ZIM2: variants seen among roughly 807,000 people sequenced by gnomAD.
The protein encoded by ZIM2 is zinc finger protein 656.
ZIM2 carries 14 observed loss-of-function variants against 38.6 expected under a neutral mutation model. That is an observed-to-expected ratio of 0.36 (90% confidence interval 0.24 to 0.57). The LOEUF is 0.57. Among genes scored for constraint, ZIM2 ranks in the 20% least tolerant of loss-of-function variants. The pLI is 0.81. For synonymous variants in ZIM2, 247 were observed against 245.8 expected (o/e 1.00, Z -0.04); for missense variants, 680 against 695.1 (o/e 0.98, Z 0.24).
chr19:56,829,247 G>A lies in ZIM2; in HGVS notation c.-226-2784C>T, dbSNP rs2061352126. 2.0e-5 allele frequency among the ~76,000 whole-genome samples: 3 copies of A among 151,704 alleles called. 1 individual carries two copies. Among genetic ancestry groups the A allele is most frequent in the Admixed American group, 6.6e-5 (1 of 15,230 alleles). ...TAATCCCAGCTACTCAGGAGGCTGAGGCAGGAGAATCACTTGGACCCAGGA... is the reference window on the plus strand; with the variant it reads ...TAATCCCAGCTACTCAGGAGGCTGAAGCAGGAGAATCACTTGGACCCAGGA... On this transcript the variant is annotated intron_variant, in intron 2 of 12. Coordinates refer to ENST00000629319, the MANE Select transcript of ZIM2 (RefSeq NM_001387356.1).
intron 9 of ZIM2, chr19:56,816,564 C>A (rs1307774217): frequency 3.7e-6 from 6 of 1,614,060 alleles, no homozygotes; most frequent in Non-Finnish European, 5.1e-6. Context: ...TACATTCGTA[C>A]ATTTTCTCTT....
At chr19:56,799,214 A>T (rs1568583863) in intron 9 of ZIM2, 1 of 152,200 alleles carries the variant, frequency 6.6e-6, no homozygotes, top group East Asian at 1.9e-4. Context: ...CTCATCAATG[A>T]CAGACTTGAT....
chr19:56,812,113 CTTTT>C (rs752513979), intron 9 of ZIM2: 16 of 969,000 alleles, frequency 1.7e-5, no homozygotes, highest in Non-Finnish European at 2.0e-5. Context: ...TTTTGCAAAT[CTTTT>C]TTTTTAAATT....
intron 9 of ZIM2, chr19:56,810,613 A>C: frequency 6.5e-6 from 6 of 928,354 alleles, no homozygotes; most frequent in Non-Finnish European, 7.7e-6. Context: ...TTTATTACCA[A>C]AACACCAAAG....
At chr19:56,821,952 G>A (rs1470636550) in intron 6 of ZIM2, among the ~76,000 whole-genome samples, 198 bp from the exon 7 acceptor site, 1 of 151,870 alleles carries the variant, frequency 6.6e-6, no homozygotes, top group East Asian at 1.9e-4. Context: ...CCAGGGCAGG[G>A]CCAGGGGCCC....
intron 12 of ZIM2, among the ~76,000 whole-genome samples, 170 bp downstream of exon 12, chr19:56,779,207 G>A (rs1056020779): frequency 1.3e-5 from 2 of 152,096 alleles, no homozygotes; most frequent in Non-Finnish European, 2.9e-5. Flanking sequence ...AGCAGGAGAG[G>A]AGCTCATGCT....
chr19:56,840,043 G>A (rs2062809726), intron 1 of ZIM2, among the ~76,000 whole-genome samples: 1 of 152,242 alleles, frequency 6.6e-6, no homozygotes, highest in Non-Finnish European at 1.5e-5. Context: ...GCCCCCAGAG[G>A]GTAGCCGGGC....
At chr19:56,811,612 T>C (rs1221650472) in intron 9 of ZIM2, 9 of 985,256 alleles carry the variant, frequency 9.1e-6, no homozygotes, top group Non-Finnish European at 9.6e-6. Flanking sequence ...CTGCCAACAA[T>C]GTTAACACCA....
chr19:56,787,442 A>G (rs1414181340), intron 10 of ZIM2, among the ~76,000 whole-genome samples: 1 of 151,824 alleles, frequency 6.6e-6, no homozygotes, highest in Non-Finnish European at 1.5e-5. Context: ...CGCCCAGCTA[A>G]TTTTTGTATT....
rs35355795 is a variant in ZIM2 at position 56,823,595 on chromosome 19, A to G, written c.101T>C (p.Phe34Ser). Residue 34 changes from phenylalanine to serine, a missense_variant, in exon 5 of 13, where the codon TTC becomes TCC. Transcript: ENST00000629319. ...ESSPPHSVHSFSGDRDWDRRG... is the reference protein window; with the variant it reads ...ESSPPHSVHSSSGDRDWDRRG... ...CAGTGGGGATGGGTACTCACCACTG[A>G]AAGAATGGACTGAGTGAGGTGGTGA... The G allele has an allele frequency of 2.7e-4, 438 of 1,614,044 alleles. No individual in the cohort carries two copies. The African/African-American group carries it at 5.4e-3, about 20-fold the overall frequency.
At chr19:56,795,042 CT>C (rs1352391523) in intron 9 of ZIM2, among the ~76,000 whole-genome samples, 1 of 149,524 alleles carries the variant, frequency 6.7e-6, no homozygotes, top group Non-Finnish European at 1.5e-5. Context: ...TGGGGTGTTT[CT>C]TTTTTTTCTT....
chr19:56,778,748 C>T (rs891696201), intron 12 of ZIM2, among the ~76,000 whole-genome samples: 1 of 152,082 alleles, frequency 6.6e-6, no homozygotes, highest in Non-Finnish European at 1.5e-5. Context: ...TTTCTGTTAA[C>T]TACAACTGAA....
At chr19:56,837,589 G>T (rs1208424766) in intron 1 of ZIM2, among the ~76,000 whole-genome samples, 1 of 152,168 alleles carries the variant, frequency 6.6e-6, no homozygotes, top group African/African-American at 2.4e-5. Context: ...GAAGTAAGGC[G>T]CCACCAGCCA....
intron 2 of ZIM2, chr19:56,833,720 C>T (rs976008942): frequency 6.3e-6 from 1 of 158,732 alleles, no homozygotes; most frequent in African/African-American, 2.4e-5. Flanking sequence ...AGGAGCTGTT[C>T]TTTGAGAACC....
intron 10 of ZIM2, 64 bp downstream of exon 10, chr19:56,789,808 T>C (rs1307963982): frequency 7.4e-7 from 1 of 1,357,110 alleles, no homozygotes; most frequent in African/African-American, 1.4e-5. Context: ...AATAAGGAAG[T>C]CCACAAATTA....
rs145724967 is a variant in ZIM2 at position 56,801,068 on chromosome 19, G to T, written c.491-11117C>A. Among the ~76,000 whole-genome samples, 1,051 of 151,486 alleles carry T rather than the reference G, an allele frequency of 6.9e-3. 4 individuals are homozygous for T. The highest frequency in any genetic ancestry group is 0.024 in the African/African-American group (974 of 41,252). On this transcript the variant is annotated intron_variant, in intron 9 of 12. Coordinates refer to ENST00000629319, the MANE Select transcript of ZIM2 (RefSeq NM_001387356.1). ...CTCTGCCTCAGCCTCCCGAGTAGCT[G>T]GGATTACAGGTGCCCACCACCATGC...
intron 2 of ZIM2, among the ~76,000 whole-genome samples, chr19:56,829,198 A>G (rs533839477): frequency 1.3e-5 from 2 of 152,238 alleles, no homozygotes; most frequent in South Asian, 4.2e-4. Context: ...TAAAAATACA[A>G]AAATTAGCTG....
At chr19:56,805,111 C>A (rs921419436) in intron 9 of ZIM2, among the ~76,000 whole-genome samples, 1 of 152,150 alleles carries the variant, frequency 6.6e-6, no homozygotes, top group Non-Finnish European at 1.5e-5. Flanking sequence ...CATTTTGGGT[C>A]GGTTCATTCT....
intron 11 of ZIM2, among the ~76,000 whole-genome samples, chr19:56,779,765 G>A (rs539173084): frequency 7.9e-5 from 12 of 152,126 alleles, no homozygotes; most frequent in Non-Finnish European, 1.6e-4. Flanking sequence ...CTGGTTCCAT[G>A]TCAAGAGTGC....
Sources: gnomAD v4.1 joint callset for allele counts (sites outside exome capture counted in the v4.1 genomes callset) on GRCh38, gnomAD v4.1.1 for gene constraint, MANE v1.5 for transcripts, NCBI Gene and HGNC (gene_info 2026-07-23, HGNC 2026-07-21) for gene names.